The following TMPRSS15 variants were observed in gnomAD, a reference collection of about 807,000 sequenced individuals.
TMPRSS15 encodes transmembrane serine protease 15.
In TMPRSS15, 128 loss-of-function variants were observed where a neutral mutation model predicts 125.3. The observed-to-expected ratio is 1.02, with a 90% CI of 0.89 to 1.18. The LOEUF is 1.18. TMPRSS15 is among the 50% of genes most tolerant of loss of function. The pLI is 0.00. For synonymous variants in TMPRSS15, 446 were observed against 423.2 expected (o/e 1.05, Z -0.66); for missense variants, 1,283 against 1,212.7 (o/e 1.06, Z -0.86).
chr21:18,473,386 A>G (rs1978817226), intron 1 of TMPRSS15, among the ~76,000 whole-genome samples: 1 of 152,116 alleles, frequency 6.6e-6, no homozygotes, highest in Non-Finnish European at 1.5e-5. Context: ...CATAACCATG[A>G]CCAAGGCCAG....
Position 18,326,533 on chromosome 21 carries a change from G to A in TMPRSS15, c.1820C>T (p.Ser607Phe). 6.2e-7 allele frequency: 1 copy of A among 1,614,124 alleles called. No homozygotes were observed. ...AAGCACAGTCATTCTGTTGGTGGTA[G>A]AGAACACATCCTTTACTGGGCCAGG... Reference protein sequence around the residue: ...TGPGPVKDVFSTTNRMTVLLI... With the variant: ...TGPGPVKDVFFTTNRMTVLLI... The change falls in exon 16 of 25, where the codon TCT becomes TTT. Residue 607 changes from serine (S) to phenylalanine (F), a missense_variant. Physicochemically the swap from Ser to Phe is radical, Grantham distance 155. Transcript: ENST00000284885.
rs1555895998 is a variant in TMPRSS15 at position 18,313,349 on chromosome 21, C to CTCTG, written c.2033-273_2033-272insCAGA. Among the ~76,000 whole-genome samples, 570 of 149,446 alleles carry CTCTG rather than the reference C, an allele frequency of 3.8e-3. 2 individuals carry two copies. Among genetic ancestry groups the CTCTG allele is most frequent in the Non-Finnish European group, 6.8e-3 (457 of 67,522 alleles). On this transcript the variant is annotated intron_variant, in intron 17 of 24. Transcript: ENST00000284885. ...ATCATTCCTCAATCTCTCTCTCTCT[C>CTCTG]TATATATATATACACACTTTTTAAA...
chr21:18,358,937 A>G lies in TMPRSS15; in HGVS notation c.880+820T>C, dbSNP rs146904822. 5.8e-4 allele frequency among the ~76,000 whole-genome samples: 88 copies of G among 152,184 alleles called. 4 individuals carry two copies. The highest frequency in any genetic ancestry group is 2.0e-3 in the African/African-American group (83 of 41,560). The stretch of plus-strand genomic sequence containing the variant: ...CAATTTGAGAGGCAAGGTTCTTAAA[A>G]TAAAGTTATTATATAAAATTTAATC... On this transcript the variant is annotated intron_variant, in intron 8 of 24. Coordinates refer to ENST00000284885, the MANE Select transcript of TMPRSS15 (RefSeq NM_002772.3).
Position 18,383,509 on chromosome 21 carries a change from C to T in TMPRSS15, c.496+118G>A. ...CTTTTCTCATGTAAATGTGTCACCT[C>T]AGGCAATAAGACATGTTCCTAAGGT... On this transcript the variant is annotated intron_variant, in intron 4 of 24. Transcript: ENST00000284885. 4 of 1,183,374 alleles carry T rather than the reference C, an allele frequency of 3.4e-6. No homozygotes were observed. In the South Asian group the frequency reaches 5.4e-5, roughly 16 times the overall value. The allele number at this position is 1,183,374 out of a possible 1,614,324, so 73.3% of individuals were successfully genotyped here. A position where few individuals can be genotyped will look rare whatever the true frequency, so the allele number is the denominator to read the frequency against.
intron 3 of TMPRSS15, among the ~76,000 whole-genome samples, chr21:18,386,523 T>C (rs1442892078): frequency 1.3e-5 from 2 of 152,196 alleles, no homozygotes; most frequent in Non-Finnish European, 2.9e-5. Flanking sequence ...GGGAAAGATA[T>C]TTATTTCTGC....
At chr21:18,331,155 C>A (rs916076258) in intron 14 of TMPRSS15, among the ~76,000 whole-genome samples, 5 of 148,220 alleles carry the variant, frequency 3.4e-5, no homozygotes, top group African/African-American at 4.9e-5. Flanking sequence ...AGATTAGTTG[C>A]TGTTTATTTT....
chr21:18,373,415 A>G (rs753079167), intron 5 of TMPRSS15, among the ~76,000 whole-genome samples: 5 of 152,128 alleles, frequency 3.3e-5, no homozygotes, highest in African/African-American at 7.2e-5. Context: ...CCATTCTCAA[A>G]TGATAGAGTA....
intron 21 of TMPRSS15, among the ~76,000 whole-genome samples, chr21:18,288,633 C>A (rs1046842667): frequency 6.7e-6 from 1 of 148,336 alleles, no homozygotes; most frequent in African/African-American, 2.5e-5. Context: ...CTTCGCCTCC[C>A]GGGTTCAAGC....
chr21:18,436,845 CGTG>C (rs779113520), intron 1 of TMPRSS15, among the ~76,000 whole-genome samples: 359 of 5,494 alleles, frequency 0.065, 49 homozygotes, highest in South Asian at 0.38. Flanking sequence ...GAATCAATAT[CGTG>C]AAAATGGCCA....
chr21:18,270,502 A>C lies in TMPRSS15; in HGVS notation c.2905-378T>G, dbSNP rs182130802. On this transcript the variant is annotated intron_variant, in intron 24 of 24. Transcript: ENST00000284885. ...TAAGGAGATCTGCTGTAAGTGCCAC[A>C]AAGGACACTATGGAAAAGACAAATT... Among the ~76,000 whole-genome samples the C allele has an allele frequency of 7.8e-3, 1,187 of 152,320 alleles. 18 individuals carry two copies. The highest frequency in any genetic ancestry group is 0.027 in the African/African-American group (1,117 of 41,580).
chr21:18,473,906 T>G (rs1978827426), intron 1 of TMPRSS15, among the ~76,000 whole-genome samples: 2 of 152,170 alleles, frequency 1.3e-5, no homozygotes, highest in Admixed American at 6.6e-5. Context: ...ACTATTCACT[T>G]TTTCTTAACT....
At chr21:18,333,942 T>C (rs888482206) in intron 13 of TMPRSS15, among the ~76,000 whole-genome samples, 1 of 152,208 alleles carries the variant, frequency 6.6e-6, no homozygotes, top group Non-Finnish European at 1.5e-5. Context: ...AGAAGAAAAG[T>C]AATCTCATTT....
chr21:18,303,728 T>C (rs1330996083), intron 18 of TMPRSS15, among the ~76,000 whole-genome samples: 1 of 152,216 alleles, frequency 6.6e-6, no homozygotes, highest in Non-Finnish European at 1.5e-5. Context: ...AGATAATTTT[T>C]GGCAGATGAT....
At chr21:18,374,248 T>G (rs1001386800) in intron 5 of TMPRSS15, among the ~76,000 whole-genome samples, 2 of 145,564 alleles carry the variant, frequency 1.4e-5, no homozygotes, top group South Asian at 4.5e-4. Context: ...CCGAGGCGGG[T>G]GGATCATGAG....
intron 7 of TMPRSS15, among the ~76,000 whole-genome samples, chr21:18,362,321 T>G (rs2147026634): frequency 6.6e-6 from 1 of 152,176 alleles, no homozygotes; most frequent in African/African-American, 2.4e-5. Context: ...TTAACTAAAG[T>G]TCTGGTGTGC....
intron 1 of TMPRSS15, among the ~76,000 whole-genome samples, chr21:18,440,955 T>C (rs1033186722): frequency 6.6e-6 from 1 of 152,182 alleles, no homozygotes; most frequent in Non-Finnish European, 1.5e-5. Context: ...GATGAGCTAT[T>C]TGAACAATTG....
chr21:18,287,485 C>T (rs918403429), intron 21 of TMPRSS15, among the ~76,000 whole-genome samples: 1 of 151,818 alleles, frequency 6.6e-6, no homozygotes, highest in Admixed American at 6.6e-5. Context: ...TGCAAAATAA[C>T]TAAGAAAAAA....
At chr21:18,427,805 A>T (rs1482622528) in intron 1 of TMPRSS15, among the ~76,000 whole-genome samples, 1 of 151,856 alleles carries the variant, frequency 6.6e-6, no homozygotes, top group Non-Finnish European at 1.5e-5. Flanking sequence ...GGATAAGGCA[A>T]AAGAATTTTC....
At chr21:18,316,596 G>C (rs922078826) in intron 16 of TMPRSS15, among the ~76,000 whole-genome samples, 14 of 152,190 alleles carry the variant, frequency 9.2e-5, no homozygotes, top group Admixed American at 2.0e-4. Context: ...ATGGGCATGT[G>C]CTTGGCACAT....
Sources: gnomAD v4.1 joint callset for allele counts (sites outside exome capture counted in the v4.1 genomes callset) on GRCh38, gnomAD v4.1.1 for gene constraint, MANE v1.5 for transcripts, NCBI Gene and HGNC (gene_info 2026-07-23, HGNC 2026-07-21) for gene names.